TRPC6: variants seen among roughly 807,000 people sequenced by gnomAD.
The protein encoded by TRPC6 is transient receptor potential cation channel subfamily C member 6, also known as short transient receptor potential channel 6.
TRPC6 carries 55 observed loss-of-function variants against 90.7 expected under a neutral mutation model. The ratio of observed to expected loss-of-function variants is 0.61; its 90% confidence interval spans 0.49 to 0.76. TRPC6 has a LOEUF of 0.76. Among genes scored for constraint, TRPC6 ranks in the 30% least tolerant of loss-of-function variants. The pLI, the probability that TRPC6 is intolerant of heterozygous loss-of-function variation, is 0.00. For missense variants in TRPC6, 989 were observed against 1,122.7 expected (o/e 0.88, Z 1.70); for synonymous variants, 393 against 393.0 (o/e 1.00, Z 0.00).
intron 1 of TRPC6, among the ~76,000 whole-genome samples, chr11:101,525,630 A>T (rs1217794274): frequency 6.6e-6 from 1 of 152,230 alleles, no homozygotes; most frequent in Non-Finnish European, 1.5e-5. Flanking sequence ...GAGAGAACGT[A>T]ACACGTTTTT....
At chr11:101,582,182 C>G (rs534201575) in intron 1 of TRPC6, among the ~76,000 whole-genome samples, 5 of 152,326 alleles carry the variant, frequency 3.3e-5, no homozygotes, top group African/African-American at 1.2e-4. Context: ...CCAGTTCTAA[C>G]TATTCTCCTT....
rs527995337 is a variant in TRPC6, at chr11:101,549,260, G to T, written c.170+34074C>A. 5.3e-5 allele frequency among the ~76,000 whole-genome samples: 8 copies of T among 151,958 alleles called. No individual in the cohort carries two copies. In the East Asian group the frequency reaches 9.6e-4, roughly 18 times the overall value. On this transcript the variant is annotated intron_variant, in intron 1 of 12. Transcript: ENST00000344327. ...ATACATCTAACTTATTCACTAGGTTGATTTTAAAAAGGGATATATTATAAA... is the reference window on the plus strand; with the variant it reads ...ATACATCTAACTTATTCACTAGGTTTATTTTAAAAAGGGATATATTATAAA...
chr11:101,562,708 G>C (rs538245282), intron 1 of TRPC6, among the ~76,000 whole-genome samples: 1 of 152,086 alleles, frequency 6.6e-6, no homozygotes, highest in African/African-American at 2.4e-5. Context: ...ATATGACATT[G>C]AAAGTAAGTA....
At chr11:101,536,737 G>A (rs545112951) in intron 1 of TRPC6, among the ~76,000 whole-genome samples, 4 of 152,280 alleles carry the variant, frequency 2.6e-5, no homozygotes, top group African/African-American at 7.2e-5. Flanking sequence ...AGTCAGGGGC[G>A]AGAGCATTCA....
intron 10 of TRPC6, among the ~76,000 whole-genome samples, chr11:101,466,353 T>C (rs1246932340): frequency 6.6e-6 from 1 of 152,216 alleles, no homozygotes; most frequent in East Asian, 1.9e-4. Flanking sequence ...ATGAGGGTTT[T>C]ATCTGTAAGT....
rs878853182 is a variant in TRPC6, at chr11:101,453,621, G to A, written c.2644+29C>T. 11 of 1,609,336 alleles carry A rather than the reference G, an allele frequency of 6.8e-6. No individual in the cohort carries two copies. The highest frequency in any genetic ancestry group is 9.4e-6 in the Non-Finnish European group (11 of 1,175,970). ...GGCCCCCGTCCTGACTCACATTCAG[G>A]GGCTGATTTGCTTCTGCGTTCAACT... On this transcript the variant is annotated intron_variant, in intron 12 of 12. Transcript: ENST00000344327.
At position 101,489,178 on chromosome 11, in the gene TRPC6, G is replaced by A. The variant is rs565222049; in HGVS notation, c.1129-77C>T. ...TAAACGATTTTCATGTGTTCTAATA[G>A]TTCCATGCTTTCCAATGAAATACAT... On this transcript the variant is annotated intron_variant, in intron 3 of 12. Coordinates refer to ENST00000344327, the MANE Select transcript of TRPC6 (RefSeq NM_004621.6). 8.6e-6 allele frequency: 11 copies of A among 1,282,632 alleles called. No homozygotes were observed. In the African/African-American group the frequency reaches 1.0e-4, roughly 12 times the overall value. The allele number at this position is 1,282,632 out of a possible 1,614,324, so 79.5% of individuals were successfully genotyped here. A position where few individuals can be genotyped will look rare whatever the true frequency, so the allele number is the denominator to read the frequency against.
chr11:101,503,940 C>T, intron 2 of TRPC6, 84 bp downstream of exon 2: 1 of 1,536,652 alleles, frequency 6.5e-7, no homozygotes, highest in Non-Finnish European at 9.0e-7. Context: ...GTAACTAGCA[C>T]AGTGCTGAGC....
chr11:101,544,176 T>G (rs1259723490), intron 1 of TRPC6, among the ~76,000 whole-genome samples: 1 of 152,076 alleles, frequency 6.6e-6, no homozygotes, highest in Non-Finnish European at 1.5e-5. Flanking sequence ...AAAACCACAA[T>G]GAGATACCAT....
At chr11:101,509,441 T>G (rs555493808) in intron 1 of TRPC6, among the ~76,000 whole-genome samples, 1 of 152,230 alleles carries the variant, frequency 6.6e-6, no homozygotes, top group South Asian at 2.1e-4. Flanking sequence ...ATTAGCAACT[T>G]TACTTGTATC....
At chr11:101,528,526 T>C (rs1860835712) in intron 1 of TRPC6, among the ~76,000 whole-genome samples, 1 of 152,224 alleles carries the variant, frequency 6.6e-6, no homozygotes, top group African/African-American at 2.4e-5. Flanking sequence ...TTGGCATCTA[T>C]ATTACATGAG....
Position 101,517,928 on chromosome 11 carries a change from A to G in TRPC6, c.171-13130T>C, listed in dbSNP as rs373719380. ...ATGAAGATCCAGTTCAATAAACAAC[A>G]TATTGTTCTCTAGATATTCCCATAG... On this transcript the variant is annotated intron_variant, in intron 1 of 12. Transcript: ENST00000344327. Among the ~76,000 whole-genome samples, 30 of 152,196 alleles carry G rather than the reference A, an allele frequency of 2.0e-4. 1 individual carries two copies. Among genetic ancestry groups the G allele is most frequent in the Non-Finnish European group, 5.9e-5 (4 of 68,036 alleles).
intron 7 of TRPC6, among the ~76,000 whole-genome samples, chr11:101,472,781 A>G (rs1046787427): frequency 6.6e-6 from 1 of 152,052 alleles, no homozygotes; most frequent in Non-Finnish European, 1.5e-5. Context: ...CTTAGGTAGG[A>G]ATTTCAATGC....
At chr11:101,467,237 A>T (rs779392995) in intron 10 of TRPC6, among the ~76,000 whole-genome samples, 1 of 152,070 alleles carries the variant, frequency 6.6e-6, no homozygotes, top group Non-Finnish European at 1.5e-5. Context: ...ATGCCCATTT[A>T]TGATTTTTAA....
intron 1 of TRPC6, among the ~76,000 whole-genome samples, chr11:101,517,470 G>A (rs1237848220): frequency 1.3e-5 from 2 of 152,058 alleles, no homozygotes; most frequent in African/African-American, 2.4e-5. Context: ...CTCTGCCGAA[G>A]GCTCATGTTT....
chr11:101,548,436 T>A (rs1459417681), intron 1 of TRPC6, among the ~76,000 whole-genome samples: 5 of 140,842 alleles, frequency 3.6e-5, no homozygotes, highest in Admixed American at 7.5e-5. Flanking sequence ...TATAAATATA[T>A]AATACATAAT....
intron 1 of TRPC6, among the ~76,000 whole-genome samples, chr11:101,547,668 G>T (rs1358715853): frequency 6.6e-6 from 1 of 152,110 alleles, no homozygotes; most frequent in Admixed American, 6.6e-5. Context: ...TTGTGTAGAA[G>T]ACATACTATG....
chr11:101,471,334 T>G lies in TRPC6; in HGVS notation c.2258A>C (p.Tyr753Ser). ...KFARAKLWFS[Y>S]FEEGRTLPVP... ...AGGAAGTGTTCTGCCCTCCTCAAAG[T>G]AGGAAAACCAGAGTTTGGCCCTTGC... Residue 753 changes from tyrosine (Y) to serine (S), a missense_variant, in exon 9 of 13, where the codon TAC (tyrosine) becomes TCC (serine). Physicochemically the swap from Tyr to Ser is moderately radical, Grantham distance 144. Transcript: ENST00000344327. 1 of 1,613,906 alleles carries G rather than the reference T, an allele frequency of 6.2e-7. No individual in the cohort carries two copies. The highest frequency in any genetic ancestry group is 8.5e-7 in the Non-Finnish European group (1 of 1,179,860).
intron 1 of TRPC6, among the ~76,000 whole-genome samples, chr11:101,571,906 C>G (rs1565251353): frequency 6.6e-6 from 1 of 152,106 alleles, no homozygotes; most frequent in Non-Finnish European, 1.5e-5. Flanking sequence ...AGACCTAAAA[C>G]CATAAAAACC....
Sources: gnomAD v4.1 joint callset for allele counts (sites outside exome capture counted in the v4.1 genomes callset) on GRCh38, gnomAD v4.1.1 for gene constraint, MANE v1.5 for transcripts, NCBI Gene and HGNC (gene_info 2026-07-23, HGNC 2026-07-21) for gene names.